Variants in CHD1L observed in about 807,000 individuals in gnomAD.
CHD1L encodes the protein chromodomain helicase DNA binding protein 1 like, also known as ATP-dependent chromatin remodeler CHD1L.
In CHD1L, 118 loss-of-function variants were observed where a neutral mutation model predicts 115.9. The ratio of observed to expected loss-of-function variants is 1.02; its 90% CI spans 0.88 to 1.19. The LOEUF is 1.19. CHD1L is among the 50% of genes most tolerant of loss of function. The pLI is 0.00. For missense variants in CHD1L, 1,179 were observed against 1,065.3 expected (o/e 1.11, Z -1.49); for synonymous variants, 411 against 387.1 (o/e 1.06, Z -0.72).
the CHD1L span, chr1:147,224,778 A>G: frequency 0.01 from 9,556 of 912,014 alleles, 99 homozygotes; most frequent in Middle Eastern, 0.024. Flanking sequence ...CCAAAGTGCT[A>G]GGATTACAGG....
the CHD1L span, chr1:147,178,890 C>A: frequency 6.4e-7 from 1 of 1,570,700 alleles, no homozygotes; most frequent in South Asian, 1.1e-5. Context: ...AGGGCAAGGA[C>A]TTACTTATTG....
At chr1:147,259,018 C>T (rs1186625889) in intron 5 of CHD1L, 4 of 152,096 alleles carry the variant, frequency 2.6e-5, no homozygotes, top group African/African-American at 9.7e-5. Context: ...ATTTAAAATG[C>T]CATGTAATAT....
the CHD1L span, among the ~76,000 whole-genome samples, chr1:147,217,508 C>T: frequency 1.3e-5 from 2 of 152,214 alleles, no homozygotes; most frequent in Admixed American, 1.3e-4. Flanking sequence ...TAAATAGCCA[C>T]AAAGGAGAGT....
At chr1:147,206,441 A>C in the CHD1L span, among the ~76,000 whole-genome samples, 4 of 152,284 alleles carry the variant, frequency 2.6e-5, no homozygotes, top group Admixed American at 6.5e-5. Context: ...ATAAATCATG[A>C]TGCTATAAAG....
chr1:147,290,240 T>C (rs1298519268), intron 19 of CHD1L, among the ~76,000 whole-genome samples: 2 of 151,542 alleles, frequency 1.3e-5, no homozygotes, highest in Admixed American at 6.6e-5. Context: ...CACACCACCA[T>C]GCCCGGCCAC....
the CHD1L span, chr1:147,216,071 G>A: frequency 1.6e-6 from 1 of 636,096 alleles, no homozygotes; most frequent in Admixed American, 3.0e-5. Flanking sequence ...TCCAGTATTT[G>A]TGCCCTTATG....
intron 14 of CHD1L, among the ~76,000 whole-genome samples, chr1:147,277,362 T>C (rs1326116702): frequency 6.6e-6 from 1 of 152,150 alleles, no homozygotes; most frequent in Non-Finnish European, 1.5e-5. Flanking sequence ...AGTTTGTAAT[T>C]AGTCTGAAAA....
chr1:147,194,774 T>A, the CHD1L span, among the ~76,000 whole-genome samples: 1 of 151,956 alleles, frequency 6.6e-6, no homozygotes, highest in Non-Finnish European at 1.5e-5. Context: ...TGAAGCTTAG[T>A]TTGGCTGGAT....
the CHD1L span, chr1:147,225,361 T>C: frequency 1.2e-4 from 35 of 290,594 alleles, no homozygotes; most frequent in Admixed American, 1.5e-3. Context: ...GTTGTCAAAT[T>C]ACTATAAACC....
At chr1:147,203,373 G>T in the CHD1L span, 1 of 1,147,052 alleles carries the variant, frequency 8.7e-7, no homozygotes, top group South Asian at 1.2e-5. Flanking sequence ...TAAGTACAGT[G>T]ACTGCAGCAT....
rs1318126587 is a variant in CHD1L at position 147,285,364 on chromosome 1, A to G, written c.1895A>G (p.Lys632Arg). The change falls in exon 17 of 23, where the codon AAG (lysine) becomes AGG (arginine). Residue 632 changes from lysine to arginine, a missense_variant. Lys to Arg is a conservative substitution (Grantham distance 26). Transcript: ENST00000369258. ...PGLVEGSTKR[K>R]RVLSPEELED... Reference sequence around the variant, plus strand: ...CTTGTGGAGGGATCTACCAAAAGGAAGCGGGTTCTGAGTCCAGAAGAGCTG... The same window carrying G: ...CTTGTGGAGGGATCTACCAAAAGGAGGCGGGTTCTGAGTCCAGAAGAGCTG... 1.2e-6 allele frequency: 2 copies of G among 1,613,932 alleles called. No individual in the cohort carries two copies. Among genetic ancestry groups the G allele is most frequent in the African/African-American group, 2.7e-5 (2 of 74,910 alleles).
chr1:147,272,245 C>T lies in CHD1L; in HGVS notation c.1234C>T (p.Gln412Ter), dbSNP rs1676528446. 6.2e-7 allele frequency: 1 copy of T among 1,614,112 alleles called. No homozygotes were observed. The highest frequency in any genetic ancestry group is 8.5e-7 in the Non-Finnish European group (1 of 1,179,956). The change falls in exon 12 of 23, where the codon CAG becomes TAG. Residue 412 changes from glutamine (Q) to a stop codon, truncating the protein, a stop_gained. Transcript: ENST00000369258. LOFTEE classifies it high-confidence loss of function. ...RHLAIKNFGQ[Q>*]PIFVFLLSTR... ...CTTGGCCATTAAGAACTTTGGACAG[C>T]AGCCCATTTTCGTTTTTCTCCTGAG...
At chr1:147,179,368 C>T in the CHD1L span, 2 of 1,600,904 alleles carry the variant, frequency 1.2e-6, no homozygotes, top group South Asian at 1.1e-5. Flanking sequence ...GTATAAAGAA[C>T]TTGGCGAGAA....
chr1:147,177,023 G>C, the CHD1L span, among the ~76,000 whole-genome samples: 1 of 151,580 alleles, frequency 6.6e-6, no homozygotes, highest in Non-Finnish European at 1.5e-5. Flanking sequence ...TCCTCCGAAG[G>C]CCTAGAAGCA....
chr1:147,245,450 C>T (rs587768459), intron 1 of CHD1L, among the ~76,000 whole-genome samples: 7 of 152,198 alleles, frequency 4.6e-5, no homozygotes, highest in African/African-American at 1.4e-4. Flanking sequence ...GCTTCCAGGT[C>T]GTGGAGGTAG....
chr1:147,206,438 A>G, the CHD1L span, among the ~76,000 whole-genome samples: 1 of 152,248 alleles, frequency 6.6e-6, no homozygotes, highest in African/African-American at 2.4e-5. Context: ...ATTATAAATC[A>G]TGATGCTATA....
the CHD1L span, chr1:147,209,893 C>A: frequency 2.6e-5 from 4 of 152,178 alleles, no homozygotes. Flanking sequence ...ATTACAAAAA[C>A]CCCTGCTATT....
chr1:147,220,662 T>C, the CHD1L span, among the ~76,000 whole-genome samples: 1 of 152,192 alleles, frequency 6.6e-6, no homozygotes, highest in African/African-American at 2.4e-5. Context: ...TTTATAGTTT[T>C]AGATTTTACA....
At chr1:147,183,843 A>C in the CHD1L span, among the ~76,000 whole-genome samples, 1 of 152,232 alleles carries the variant, frequency 6.6e-6, no homozygotes, top group African/African-American at 2.4e-5. Flanking sequence ...CAAAAGTAAC[A>C]GGCCCAGTAT....
Sources: allele counts gnomAD v4.1 joint callset (sites outside exome capture counted in the v4.1 genomes callset), GRCh38; gene constraint gnomAD v4.1.1; transcripts MANE v1.5; gene names NCBI Gene and HGNC (gene_info 2026-07-23, HGNC 2026-07-21).